Variants in ATP6V1H observed in about 807,000 individuals in gnomAD.
The protein encoded by ATP6V1H is ATPase H+ transporting V1 subunit H.
ATP6V1H carries 39 observed loss-of-function variants against 71.7 expected under a neutral mutation model. The observed-to-expected ratio is 0.54, with a 90% CI of 0.42 to 0.71. The LOEUF is 0.71. ATP6V1H is among the 30% of genes least tolerant of loss of function. The pLI, the probability that ATP6V1H is intolerant of heterozygous loss-of-function variation, is 0.00. For synonymous variants in ATP6V1H, 192 were observed against 199.3 expected, an observed-to-expected ratio of 0.96 and a Z score of 0.31; for missense variants, 509 against 594.9, an observed-to-expected ratio of 0.86 and a Z score of 1.50.
intron 12 of ATP6V1H, 39 bp downstream of exon 12, chr8:53,756,516 G>T (rs780937216): frequency 1.3e-6 from 2 of 1,535,496 alleles, no homozygotes; most frequent in Non-Finnish European, 1.8e-6. Context: ...TACACTGAAG[G>T]TTTCAAGAAA....
intron 12 of ATP6V1H, among the ~76,000 whole-genome samples, chr8:53,747,908 G>A (rs1383601144): frequency 6.6e-6 from 1 of 151,316 alleles, no homozygotes; most frequent in Non-Finnish European, 1.5e-5. Context: ...GCTCACGCCT[G>A]TAATCCTAGC....
intron 12 of ATP6V1H, among the ~76,000 whole-genome samples, chr8:53,750,932 G>A (rs1292436963): frequency 2.6e-5 from 4 of 152,076 alleles, no homozygotes; most frequent in African/African-American, 9.7e-5. Flanking sequence ...TGCTTACTAT[G>A]TAGCAAGCAT....
At chr8:53,752,165 A>T (rs920255741) in intron 12 of ATP6V1H, among the ~76,000 whole-genome samples, 4 of 152,232 alleles carry the variant, frequency 2.6e-5, no homozygotes, top group Non-Finnish European at 4.4e-5. Context: ...TCTAAGTGTT[A>T]AAGTTTTATT....
intron 4 of ATP6V1H, among the ~76,000 whole-genome samples, chr8:53,824,309 C>A (rs141166590): frequency 1.1e-3 from 169 of 152,188 alleles, no homozygotes; most frequent in African/African-American, 3.6e-3. Context: ...CCCTTGTAGT[C>A]CTAATGCTAA....
At chr8:53,764,487 C>G (rs1468579465) in intron 11 of ATP6V1H, among the ~76,000 whole-genome samples, 2 of 151,840 alleles carry the variant, frequency 1.3e-5, no homozygotes, top group African/African-American at 2.4e-5. Context: ...ATGATAAAAA[C>G]TCTCAGCAAA....
At chr8:53,807,940 G>A (rs1023889957) in intron 7 of ATP6V1H, among the ~76,000 whole-genome samples, 3 of 152,210 alleles carry the variant, frequency 2.0e-5, no homozygotes, top group South Asian at 2.1e-4. Flanking sequence ...TACAGCTATC[G>A]TGAGCATTTC....
intron 12 of ATP6V1H, among the ~76,000 whole-genome samples, chr8:53,756,069 C>CTTTTTTTTTTT (rs199967847): frequency 5.6e-4 from 54 of 96,506 alleles, no homozygotes; most frequent in Non-Finnish European, 7.6e-4. Flanking sequence ...TTTTTCTTTT[C>CTTTTTTTTTTT]TTTTTTTTTT....
chr8:53,737,322 T>G (rs2130158486), intron 13 of ATP6V1H, among the ~76,000 whole-genome samples: 1 of 152,370 alleles, frequency 6.6e-6, no homozygotes, highest in Admixed American at 6.5e-5. Flanking sequence ...TATTCCTGTC[T>G]GTAATTAGAG....
intron 7 of ATP6V1H, among the ~76,000 whole-genome samples, chr8:53,806,128 A>C (rs934198471): frequency 2.0e-5 from 3 of 152,200 alleles, no homozygotes; most frequent in African/African-American, 4.8e-5. Flanking sequence ...GAGAGGGAGA[A>C]GGACAGAGTA....
chr8:53,824,563 T>C (rs1374110945), intron 4 of ATP6V1H, among the ~76,000 whole-genome samples: 1 of 152,108 alleles, frequency 6.6e-6, no homozygotes, highest in Non-Finnish European at 1.5e-5. Flanking sequence ...GTTGGTTCAG[T>C]ATTATAAAAT....
chr8:53,775,912 C>A (rs1363379517), intron 9 of ATP6V1H, among the ~76,000 whole-genome samples: 1 of 152,262 alleles, frequency 6.6e-6, no homozygotes, highest in Admixed American at 6.5e-5. Flanking sequence ...CTCCTCAGCC[C>A]TTGGGCGGTC....
Position 53,801,849 on chromosome 8 carries a change from G to A in ATP6V1H, c.627C>T (p.Leu209=), listed in dbSNP as rs1809919324. ...QCVAGCLQLM[L]RVNEYRFAWV... Reference sequence around the variant, plus strand: ...AAGCAAAGCGGTACTCATTGACCCGGAGCATCAGCTGCAAACACCCGGCCA... The same window carrying A: ...AAGCAAAGCGGTACTCATTGACCCGAAGCATCAGCTGCAAACACCCGGCCA... The change falls in exon 8 of 14, where the codon CTC becomes CTT. Residue 209 remains leucine (L), a synonymous_variant. Coordinates refer to ENST00000359530, the MANE Select transcript of ATP6V1H (RefSeq NM_015941.4). 2 of 1,613,884 alleles carry A rather than the reference G, an allele frequency of 1.2e-6. No individual in the cohort carries two copies. The highest frequency in any genetic ancestry group is 3.3e-5 in the Admixed American group (2 of 59,972).
intron 13 of ATP6V1H, among the ~76,000 whole-genome samples, chr8:53,717,943 C>T (rs1004783432): frequency 6.6e-6 from 1 of 152,116 alleles, no homozygotes; most frequent in African/African-American, 2.4e-5. Context: ...GACAGTAAGA[C>T]GTGGTTCTCT....
At chr8:53,785,622 T>TA (rs1467372636) in intron 9 of ATP6V1H, among the ~76,000 whole-genome samples, 1 of 152,238 alleles carries the variant, frequency 6.6e-6, no homozygotes, top group African/African-American at 2.4e-5. Context: ...CTCTGAGTTT[T>TA]AGAGTTTCTG....
At chr8:53,742,766 G>A (rs542747185) in intron 13 of ATP6V1H, among the ~76,000 whole-genome samples, 6 of 152,206 alleles carry the variant, frequency 3.9e-5, no homozygotes, top group Non-Finnish European at 8.8e-5. Flanking sequence ...TCATGCTAGT[G>A]CATCACTAAC....
chr8:53,831,198 G>C (rs1430966773), intron 3 of ATP6V1H, among the ~76,000 whole-genome samples: 5 of 152,168 alleles, frequency 3.3e-5, no homozygotes, highest in Admixed American at 1.3e-4. Context: ...TTCATCATTA[G>C]GCAATTTCCT....
chr8:53,827,762 C>G (rs137947104), intron 4 of ATP6V1H, among the ~76,000 whole-genome samples: 10 of 152,106 alleles, frequency 6.6e-5, no homozygotes, highest in African/African-American at 1.2e-4. Flanking sequence ...TCTCTCCCCC[C>G]ACCCTCCACC....
Position 53,829,479 on chromosome 8 carries a change from G to C in ATP6V1H, c.271C>G (p.Gln91Glu). The change falls in exon 4 of 14, where the codon CAG (glutamine) becomes GAG (glutamate). Residue 91 changes from glutamine to glutamate, a missense_variant. Gln to Glu is a conservative substitution (Grantham distance 29). Transcript: ENST00000359530. ...TCATCCACCATAGTTAGTATATACT[G>C]AACGGTCTGTTCTTTGCAGATATGA... The part of the protein sequence containing the change: ...MTHICKEQTV[Q>E]YILTMVDDML... 6.2e-7 allele frequency: 1 copy of C among 1,604,582 alleles called. No homozygotes were observed.
At chr8:53,769,515 A>AT (rs1320801084) in intron 11 of ATP6V1H, 103 bp downstream of exon 11, 2 of 1,209,978 alleles carry the variant, frequency 1.7e-6, no homozygotes, top group African/African-American at 1.6e-5. Flanking sequence ...GAAAATACAA[A>AT]TTAAAACCAT....
Sources: allele counts gnomAD v4.1 joint callset (sites outside exome capture counted in the v4.1 genomes callset), GRCh38; gene constraint gnomAD v4.1.1; transcripts MANE v1.5; gene names NCBI Gene and HGNC (gene_info 2026-07-23, HGNC 2026-07-21).